RECK: variants seen among roughly 807,000 people sequenced by gnomAD.
RECK encodes the protein reversion-inducing cysteine-rich protein with Kazal motifs.
A neutral mutation model predicts 115.1 loss-of-function variants in RECK; 69 were observed. The observed-to-expected ratio is 0.60, with a 90% CI of 0.49 to 0.73. RECK has a LOEUF of 0.73. Ranked by LOEUF, RECK falls within the 30% of genes least tolerant of loss-of-function variation. The probability of loss-of-function intolerance (pLI) is 0.00; values close to 1 mark genes in which losing one functional copy is unlikely to be tolerated. For missense variants in RECK, 1,047 were observed against 1,203.7 expected (o/e 0.87, Z 1.93); for synonymous variants, 414 against 419.7 (o/e 0.99, Z 0.17).
At chr9:36,053,979 C>T (rs1480553813) in intron 2 of RECK, among the ~76,000 whole-genome samples, 1 of 152,162 alleles carries the variant, frequency 6.6e-6, no homozygotes, top group Admixed American at 6.5e-5. Context: ...ATTAGACTTA[C>T]TCCCAGAGGA....
At chr9:36,105,984 C>T (rs995140098) in intron 13 of RECK, among the ~76,000 whole-genome samples, 2 of 152,026 alleles carry the variant, frequency 1.3e-5, no homozygotes, top group South Asian at 2.1e-4. Context: ...GAGGCCAAGG[C>T]GGGCGGATCA....
At chr9:36,066,927 G>C (rs1218831626) in intron 6 of RECK, 1 of 1,135,902 alleles carries the variant, frequency 8.8e-7, no homozygotes, top group Non-Finnish European at 1.2e-6. Context: ...ACTTTTCCCA[G>C]TCTATCTTCC....
At chr9:36,066,883 A>G in intron 6 of RECK, 1 of 1,257,324 alleles carries the variant, frequency 8.0e-7, no homozygotes, top group Non-Finnish European at 1.0e-6. Context: ...AAGAGAGACA[A>G]ACTGTCCTAT....
At chr9:36,105,940 G>A (rs893940388) in intron 13 of RECK, among the ~76,000 whole-genome samples, 2 of 152,118 alleles carry the variant, frequency 1.3e-5, no homozygotes, top group Non-Finnish European at 1.5e-5. Flanking sequence ...AAGGCCAGGC[G>A]CAGTGGCTCA....
Position 36,106,040 on chromosome 9 carries a change from T to C in RECK, c.1576+757T>C, listed in dbSNP as rs534464158. On this transcript the variant is annotated intron_variant, in intron 13 of 20. Transcript: ENST00000377966. The stretch of plus-strand genomic sequence containing the variant: ...CATCCTGGCTAACATGGTGAAACCT[T>C]GTCTCTACTGAAAATACAAAATATT... Among the ~76,000 whole-genome samples, 6 of 151,810 alleles carry C rather than the reference T, an allele frequency of 4.0e-5. No homozygotes were observed. The South Asian group carries it at 8.3e-4, about 21-fold the overall frequency.
intron 1 of RECK, among the ~76,000 whole-genome samples, chr9:36,051,314 C>T (rs1821290563): frequency 6.6e-6 from 1 of 152,128 alleles, no homozygotes; most frequent in South Asian, 2.1e-4. Context: ...GTCTTTTCCA[C>T]TCTGAAAAAG....
In RECK at chr9:36,117,172, T is replaced by G. The variant is rs140337764; in HGVS notation, c.2248T>G (p.Cys750Gly). 1.2e-6 allele frequency: 2 copies of G among 1,608,734 alleles called. No individual in the cohort carries two copies. Residue 750 changes from cysteine to glycine, a missense_variant, in exon 17 of 21, where the codon TGC becomes GGC. Transcript: ENST00000377966. Reference protein sequence around the residue: ...RGKSLSYKGPCQPFCRATEPV... With the variant: ...RGKSLSYKGPGQPFCRATEPV... ...AAAAAGCCTCTCTTACAAAGGTCCC[T>G]GCCAGGTACAGTGCTTTGGCTGACA...
At chr9:36,103,472 G>C (rs192678037) in intron 12 of RECK, among the ~76,000 whole-genome samples, 2,187 of 152,138 alleles carry the variant, frequency 0.014, 52 homozygotes, top group African/African-American at 0.048. Flanking sequence ...AGTTCCAGAA[G>C]GTAAAAAGGA....
chr9:36,090,441 A>G (rs531427071), intron 9 of RECK, among the ~76,000 whole-genome samples: 1 of 152,336 alleles, frequency 6.6e-6, no homozygotes, highest in East Asian at 1.9e-4. Context: ...TATAAGGTGA[A>G]TGAAAATTTT....
intron 6 of RECK, among the ~76,000 whole-genome samples, chr9:36,067,563 C>A (rs1462713096): frequency 2.0e-5 from 3 of 152,052 alleles, no homozygotes; most frequent in Non-Finnish European, 2.9e-5. Context: ...TTCTAGCCAA[C>A]CTAAGATAAA....
chr9:36,080,581 T>C, intron 6 of RECK, 24 bp from the exon 7 acceptor site: 2 of 1,578,938 alleles, frequency 1.3e-6, no homozygotes, highest in Non-Finnish European at 1.7e-6. Context: ...AATTTCTGTT[T>C]ATTTGTTTTT....
chr9:36,101,579 A>G (rs1268715631), intron 11 of RECK, among the ~76,000 whole-genome samples: 2 of 152,196 alleles, frequency 1.3e-5, no homozygotes, highest in African/African-American at 4.8e-5. Flanking sequence ...ACAAGAGGGG[A>G]ATATGTAGAC....
intron 6 of RECK, among the ~76,000 whole-genome samples, chr9:36,073,267 C>A (rs1822315105): frequency 6.7e-6 from 1 of 149,622 alleles, no homozygotes; most frequent in Non-Finnish European, 1.5e-5. Context: ...CACACACACA[C>A]ACACACACAC....
At chr9:36,105,936 A>G (rs116009041) in intron 13 of RECK, among the ~76,000 whole-genome samples, 3,925 of 152,254 alleles carry the variant, frequency 0.026, 178 homozygotes, top group African/African-American at 0.088. Flanking sequence ...AAAAAAGGCC[A>G]GGCGCAGTGG....
intron 10 of RECK, 67 bp downstream of exon 10, chr9:36,091,410 C>A: frequency 1.7e-6 from 2 of 1,145,356 alleles, no homozygotes; most frequent in Non-Finnish European, 2.4e-6. Context: ...TGAAATACCA[C>A]TTTATTCTGA....
intron 1 of RECK, among the ~76,000 whole-genome samples, chr9:36,048,298 G>A (rs957772427): frequency 6.6e-6 from 1 of 151,486 alleles, no homozygotes; most frequent in Non-Finnish European, 1.5e-5. Context: ...AGTCTTCTGC[G>A]CTCTACAACA....
At chr9:36,104,233 T>C (rs1364626052) in intron 12 of RECK, among the ~76,000 whole-genome samples, 3 of 144,740 alleles carry the variant, frequency 2.1e-5, no homozygotes, top group Non-Finnish European at 3.0e-5. Context: ...TACAATTTTC[T>C]GACTTAATTA....
rs559397418 is a variant in RECK at position 36,112,831 on chromosome 9, T to C, written c.2060+355T>C. Among the ~76,000 whole-genome samples the C allele has an allele frequency of 4.4e-4, 67 of 152,360 alleles. 2 individuals are homozygous for C. The South Asian group carries it at 0.013, about 30-fold the overall frequency. On this transcript the variant is annotated intron_variant, in intron 16 of 20. Coordinates refer to ENST00000377966, the MANE Select transcript of RECK (RefSeq NM_021111.3). Reference sequence around the variant, plus strand: ...CAAGAGTCATGGCTGCTGGAAATGTTATCTCCGTAACATTGTTATCTCCAT... The same window carrying C: ...CAAGAGTCATGGCTGCTGGAAATGTCATCTCCGTAACATTGTTATCTCCAT...
intron 8 of RECK, chr9:36,085,143 C>A: frequency 5.3e-6 from 1 of 187,968 alleles, no homozygotes. Flanking sequence ...TTAGTTTATA[C>A]CTAATTGTTT....
Sources: gnomAD v4.1 joint callset for allele counts (sites outside exome capture counted in the v4.1 genomes callset) on GRCh38, gnomAD v4.1.1 for gene constraint, MANE v1.5 for transcripts, NCBI Gene and HGNC (gene_info 2026-07-23, HGNC 2026-07-21) for gene names.